PARD3: variants seen among roughly 807,000 people sequenced by gnomAD.
PARD3 encodes par-3 family cell polarity regulator.
Under a neutral mutation model 155.4 loss-of-function variants are expected in PARD3, and 75 were observed. The observed-to-expected ratio is 0.48, with a 90% CI of 0.40 to 0.58. The LOEUF is 0.58. Ranked by LOEUF, PARD3 falls within the 20% of genes least tolerant of loss-of-function variation. PARD3 has a pLI of 0.00. For missense variants in PARD3, 1,642 were observed against 1,721.7 expected (o/e 0.95, Z 0.82); for synonymous variants, 576 against 610.5 (o/e 0.94, Z 0.83).
chr10:34,506,407 T>C (rs1338641326), intron 3 of PARD3, among the ~76,000 whole-genome samples: 4 of 152,188 alleles, frequency 2.6e-5, no homozygotes, highest in Non-Finnish European at 5.9e-5. Context: ...CCTAAGGAGC[T>C]GTTGCACCCA....
chr10:34,582,673 C>CT (rs2087602312), intron 2 of PARD3, among the ~76,000 whole-genome samples: 1 of 152,180 alleles, frequency 6.6e-6, no homozygotes, highest in African/African-American at 2.4e-5. Context: ...GTGTTATGCG[C>CT]TATATGTGAC....
intron 1 of PARD3, among the ~76,000 whole-genome samples, chr10:34,725,218 T>A (rs576675931): frequency 5.3e-5 from 8 of 151,468 alleles, no homozygotes; most frequent in African/African-American, 1.9e-4. Context: ...AGTGGCGTGA[T>A]CTCAGCTCAC....
chr10:34,246,981 G>A (rs939447514), intron 22 of PARD3, among the ~76,000 whole-genome samples: 17 of 152,150 alleles, frequency 1.1e-4, no homozygotes, highest in African/African-American at 4.1e-4. Flanking sequence ...CAGCTACTCA[G>A]GAGGCTGAGG....
intron 2 of PARD3, among the ~76,000 whole-genome samples, chr10:34,675,419 C>T (rs1188420063): frequency 1.3e-5 from 2 of 152,178 alleles, no homozygotes; most frequent in Non-Finnish European, 2.9e-5. Flanking sequence ...ATACAGACAT[C>T]TGGATGCATG....
At chr10:34,151,641 A>C (rs550292236) in intron 22 of PARD3, among the ~76,000 whole-genome samples, 1 of 152,222 alleles carries the variant, frequency 6.6e-6, no homozygotes, top group Non-Finnish European at 1.5e-5. Flanking sequence ...TGATGTTATA[A>C]AGGGTTGAAA....
chr10:34,550,566 TC>T (rs1480610506), intron 2 of PARD3, among the ~76,000 whole-genome samples: 1 of 152,130 alleles, frequency 6.6e-6, no homozygotes, highest in African/African-American at 2.4e-5. Context: ...AAAAACACCT[TC>T]CTTTTGAAAA....
rs896522368 is a variant in PARD3, at chr10:34,260,809, G to A, written c.3419+8848C>T. 3.3e-5 allele frequency among the ~76,000 whole-genome samples: 5 copies of A among 152,146 alleles called. No homozygotes were observed. The South Asian group carries it at 8.3e-4, about 25-fold the overall frequency. ...CTTTTTCAGTAGCAAATACAACTTT[G>A]TTATATGACCCAACATTTCTAAAAG... On this transcript the variant is annotated intron_variant, in intron 22 of 24. Transcript: ENST00000374788.
intron 22 of PARD3, among the ~76,000 whole-genome samples, chr10:34,151,770 G>A: frequency 6.6e-6 from 1 of 152,186 alleles, no homozygotes; most frequent in East Asian, 1.9e-4. Context: ...TGGAGGTTAT[G>A]TTTCTGACCA....
At chr10:34,591,750 T>C (rs1264911333) in intron 2 of PARD3, among the ~76,000 whole-genome samples, 2 of 152,170 alleles carry the variant, frequency 1.3e-5, no homozygotes, top group East Asian at 1.9e-4. Context: ...CGTATGACCA[T>C]TGTGTTGGTG....
intron 5 of PARD3, among the ~76,000 whole-genome samples, chr10:34,448,405 A>G (rs1012103146): frequency 6.6e-6 from 1 of 152,158 alleles, no homozygotes; most frequent in Non-Finnish European, 1.5e-5. Flanking sequence ...AAAAGGAAAA[A>G]TATTGGCCAT....
chr10:34,259,296 G>A (rs1479608869), intron 22 of PARD3, among the ~76,000 whole-genome samples: 1 of 128,620 alleles, frequency 7.8e-6, no homozygotes, highest in Non-Finnish European at 1.6e-5. Context: ...AGTTCTGGGG[G>A]TCAGAAGTCT....
chr10:34,421,394 G>C lies in PARD3; in HGVS notation c.715-19477C>G, dbSNP rs947802449. On this transcript the variant is annotated intron_variant, in intron 5 of 24. Transcript: ENST00000374788. ...TTATAATTTGTAATTAGTTATATTA[G>C]TTATTAATAATTATACTAGTTATTA... is the stretch of plus-strand genomic sequence containing the variant. Among the ~76,000 whole-genome samples the C allele has an allele frequency of 2.7e-5, 4 of 150,170 alleles. 1 individual carries two copies. Among genetic ancestry groups the C allele is most frequent in the Admixed American group, 1.3e-4 (2 of 15,028 alleles).
At chr10:34,341,484 TTATTATA>T (rs997116084) in intron 16 of PARD3, 136 bp downstream of exon 16, 1 of 541,120 alleles carries the variant, frequency 1.8e-6, no homozygotes, top group Admixed American at 3.7e-5. Flanking sequence ...GTATAATCTT[TTATTATA>T]AGAGTGATAA....
chr10:34,572,482 A>T (rs1371944852), intron 2 of PARD3, among the ~76,000 whole-genome samples: 2 of 152,042 alleles, frequency 1.3e-5, no homozygotes, highest in Admixed American at 6.5e-5. Context: ...TCTACCAAAA[A>T]TACAAAAATT....
At chr10:34,362,134 C>T (rs960078124) in intron 12 of PARD3, among the ~76,000 whole-genome samples, 6 of 151,972 alleles carry the variant, frequency 3.9e-5, no homozygotes, top group Non-Finnish European at 7.4e-5. Flanking sequence ...CCCATCTCTA[C>T]TAAAAATACA....
intron 2 of PARD3, among the ~76,000 whole-genome samples, chr10:34,579,400 C>T (rs1425716542): frequency 1.3e-5 from 2 of 152,140 alleles, no homozygotes; most frequent in African/African-American, 4.8e-5. Context: ...TGAGCCCTTC[C>T]GTAACGCCCC....
At chr10:34,552,038 C>T (rs1029717845) in intron 2 of PARD3, among the ~76,000 whole-genome samples, 2 of 152,170 alleles carry the variant, frequency 1.3e-5, no homozygotes, top group African/African-American at 4.8e-5. Flanking sequence ...GTGTTTTAGG[C>T]AGTAGCATCT....
At chr10:34,379,589 C>T (rs1225326922) in intron 9 of PARD3, among the ~76,000 whole-genome samples, 1 of 152,020 alleles carries the variant, frequency 6.6e-6, no homozygotes, top group Non-Finnish European at 1.5e-5. Context: ...ACTATGAATG[C>T]TGACTGTTGT....
intron 1 of PARD3, among the ~76,000 whole-genome samples, chr10:34,811,225 C>A (rs2134428940): frequency 6.6e-6 from 1 of 152,356 alleles, no homozygotes; most frequent in East Asian, 1.9e-4. Flanking sequence ...CTAAACACCA[C>A]AGTCCTTCCT....
Sources: gnomAD v4.1 joint callset for allele counts (sites outside exome capture counted in the v4.1 genomes callset) on GRCh38, gnomAD v4.1.1 for gene constraint, MANE v1.5 for transcripts, NCBI Gene and HGNC (gene_info 2026-07-23, HGNC 2026-07-21) for gene names.